Variants in SLC10A7 observed in about 807,000 individuals in gnomAD.
SLC10A7 encodes sodium/bile acid cotransporter 7.
Under a neutral mutation model 43.2 loss-of-function variants are expected in SLC10A7, and 29 were observed. The observed-to-expected ratio is 0.67, with a 90% CI of 0.50 to 0.92. The LOEUF is 0.92. SLC10A7 is among the 40% of genes least tolerant of loss of function. The pLI is 0.00. For missense variants in SLC10A7, 295 were observed against 403.2 expected (o/e 0.73, Z 2.30); for synonymous variants, 152 against 144.8 (o/e 1.05, Z -0.35).
intron 5 of SLC10A7, among the ~76,000 whole-genome samples, chr4:146,354,493 C>T (rs1049042741): frequency 4.6e-5 from 7 of 150,646 alleles, no homozygotes; most frequent in African/African-American, 1.7e-4. Context: ...AATGCCATCC[C>T]CATCAAGCTA....
At chr4:146,440,683 G>T (rs1294321791) in intron 5 of SLC10A7, among the ~76,000 whole-genome samples, 1 of 152,132 alleles carries the variant, frequency 6.6e-6, no homozygotes, top group Non-Finnish European at 1.5e-5. Flanking sequence ...AGGAAAAAAA[G>T]ATATAGAATT....
At chr4:146,368,062 A>G (rs1319647850) in intron 5 of SLC10A7, among the ~76,000 whole-genome samples, 2 of 152,240 alleles carry the variant, frequency 1.3e-5, no homozygotes, top group African/African-American at 4.8e-5. Context: ...AGCATTCATT[A>G]TAATGCAGCT....
At chr4:146,429,956 A>G (rs1729649529) in intron 5 of SLC10A7, among the ~76,000 whole-genome samples, 1 of 152,142 alleles carries the variant, frequency 6.6e-6, no homozygotes, top group Non-Finnish European at 1.5e-5. Flanking sequence ...GCAAAGTAAC[A>G]AACCCCAACT....
chr4:146,306,518 C>T (rs1037309318), intron 6 of SLC10A7, among the ~76,000 whole-genome samples: 3 of 152,152 alleles, frequency 2.0e-5, no homozygotes, highest in African/African-American at 7.2e-5. Context: ...AATGGGAAAT[C>T]CTGAAATATA....
chr4:146,338,386 AG>A (rs1288598103), intron 5 of SLC10A7, among the ~76,000 whole-genome samples: 1 of 151,928 alleles, frequency 6.6e-6, no homozygotes, highest in Non-Finnish European at 1.5e-5. Flanking sequence ...TTTACAGAGG[AG>A]AAAATTGAGG....
Position 146,521,895 on chromosome 4 carries a change from A to C in SLC10A7, c.-178T>G. On this transcript the variant is annotated 5_prime_UTR_variant, in exon 1 of 12. Coordinates refer to ENST00000335472, the MANE Select transcript of SLC10A7 (RefSeq NM_001029998.6). ...GGGGGTTGCTCCGGCGGCTTTGAGG[A>C]GGGTTGGGAGTAGTAGTAGCCAGTG... 1 of 584,436 alleles carries C rather than the reference A, an allele frequency of 1.7e-6. No homozygotes were observed. The highest frequency in any genetic ancestry group is 3.0e-6 in the Non-Finnish European group (1 of 329,224). 36.2% of individuals were successfully genotyped at this position (584,436 alleles called of 1,614,324 possible).
At chr4:146,494,676 T>C (rs1405809776) in intron 4 of SLC10A7, among the ~76,000 whole-genome samples, 2 of 152,154 alleles carry the variant, frequency 1.3e-5, no homozygotes, top group African/African-American at 4.8e-5. Flanking sequence ...TTCTGTGTCA[T>C]GAATCAGTCA....
At chr4:146,310,200 C>T (rs958731481) in intron 6 of SLC10A7, among the ~76,000 whole-genome samples, 1 of 152,128 alleles carries the variant, frequency 6.6e-6, no homozygotes, top group African/African-American at 2.4e-5. Context: ...ATATGTACCA[C>T]ATTTTCTTTA....
At chr4:146,322,391 C>T (rs1333566621) in intron 6 of SLC10A7, among the ~76,000 whole-genome samples, 2 of 141,758 alleles carry the variant, frequency 1.4e-5, no homozygotes, top group East Asian at 2.1e-4. Flanking sequence ...CATAACAGGC[C>T]CCAGTGTGTG....
Position 146,510,000 on chromosome 4 carries a change from A to G in SLC10A7, c.233T>C (p.Ile78Thr). The stretch of plus-strand genomic sequence containing the variant: ...TGCTGGGAAGAATGCAAGAGTAAAG[A>G]TCTGAATAAAAAGATGCAGTTTTAG... ...VHLKLHLFIQ[I>T]FTLAFFPATI... The change falls in exon 3 of 12, where the codon ATC (isoleucine) becomes ACC (threonine). Residue 78 changes from isoleucine (I) to threonine (T), a missense_variant. Ile to Thr is a moderately conservative substitution (Grantham distance 89). Around this residue, in one of 2 missense-constraint regions of SLC10A7, gnomAD observed 242 missense variants for 362.5 expected, o/e 0.67. Transcript: ENST00000335472. The G allele has an allele frequency of 6.2e-7, 1 of 1,613,804 alleles. No homozygotes were observed. The highest frequency in any genetic ancestry group is 1.3e-5 in the African/African-American group (1 of 75,046).
At chr4:146,356,755 C>A (rs867595886) in intron 5 of SLC10A7, among the ~76,000 whole-genome samples, 1 of 152,126 alleles carries the variant, frequency 6.6e-6, no homozygotes, top group Non-Finnish European at 1.5e-5. Flanking sequence ...TCTTCTTCCC[C>A]CTGCATTCTC....
chr4:146,290,615 T>C (rs2097948801), intron 9 of SLC10A7, among the ~76,000 whole-genome samples: 1 of 152,034 alleles, frequency 6.6e-6, no homozygotes, highest in African/African-American at 2.4e-5. Context: ...GTCCCAGCAC[T>C]TTGGGGAGTC....
intron 5 of SLC10A7, among the ~76,000 whole-genome samples, chr4:146,347,528 T>C (rs1328626712): frequency 3.3e-5 from 5 of 152,214 alleles, no homozygotes; most frequent in African/African-American, 4.8e-5. Flanking sequence ...GACAGGATTG[T>C]AAAGTTAGAA....
At chr4:146,280,354 T>C (rs1025349069) in intron 10 of SLC10A7, among the ~76,000 whole-genome samples, 25 of 152,290 alleles carry the variant, frequency 1.6e-4, no homozygotes, top group African/African-American at 6.0e-4. Context: ...TTCCCCTTGC[T>C]TTCTGGACTA....
chr4:146,304,427 C>A (rs953725028), intron 7 of SLC10A7, among the ~76,000 whole-genome samples: 3 of 151,926 alleles, frequency 2.0e-5, no homozygotes, highest in Non-Finnish European at 4.4e-5. Flanking sequence ...TTGAATGCAT[C>A]CCAGAGATTC....
chr4:146,295,656 G>A lies in SLC10A7; in HGVS notation c.556-1561C>T, dbSNP rs1352069. On this transcript the variant is annotated intron_variant, in intron 7 of 11. Transcript: ENST00000335472. ...TCAGATATGTCACTAGGGTTGGTGG[G>A]TAGCTGGTCATTGGAAGGCCACAGA... 4.6e-3 allele frequency among the ~76,000 whole-genome samples: 699 copies of A among 152,242 alleles called. 30 individuals are homozygous for A. The East Asian group carries it at 0.087, about 19-fold the overall frequency.
intron 4 of SLC10A7, among the ~76,000 whole-genome samples, chr4:146,447,244 A>G (rs972492306): frequency 7.2e-5 from 11 of 152,150 alleles, no homozygotes; most frequent in Admixed American, 6.5e-5. Flanking sequence ...ACCATAAATG[A>G]CCAAAAATTA....
intron 5 of SLC10A7, among the ~76,000 whole-genome samples, chr4:146,399,958 T>C (rs1490332553): frequency 2.0e-5 from 3 of 152,000 alleles, no homozygotes; most frequent in African/African-American, 7.2e-5. Context: ...AACCACAGGG[T>C]TGGATGATTG....
chr4:146,460,078 G>GA (rs1732402527), intron 4 of SLC10A7, among the ~76,000 whole-genome samples: 1 of 151,884 alleles, frequency 6.6e-6, no homozygotes, highest in Admixed American at 6.6e-5. Flanking sequence ...ATTAACACAT[G>GA]AAAAGATCCT....
Sources: gnomAD v4.1 joint callset for allele counts (sites outside exome capture counted in the v4.1 genomes callset) on GRCh38, gnomAD v4.1.1 for gene constraint, gnomAD v4.1.1 regional missense constraint, MANE v1.5 for transcripts, NCBI Gene and HGNC (gene_info 2026-07-23, HGNC 2026-07-21) for gene names.